RUFY4: variants seen among roughly 807,000 people sequenced by gnomAD.
RUFY4 encodes the protein RUN and FYVE domain containing 4.
Under a neutral mutation model 69.0 loss-of-function variants are expected in RUFY4, and 73 were observed. That is an observed-to-expected ratio of 1.06 (90% CI 0.88 to 1.29). The LOEUF is 1.29. Ranked by LOEUF, RUFY4 falls within the 50% of genes most tolerant of loss-of-function variation. RUFY4 has a pLI of 0.00. For synonymous variants in RUFY4, 287 were observed against 271.8 expected (o/e 1.06, Z -0.55); for missense variants, 770 against 705.6 (o/e 1.09, Z -1.03).
In RUFY4 at chr2:218,089,114, C is replaced by T. The variant is rs900500183; in HGVS notation, c.1503-138C>T. 1.1e-4 allele frequency: 76 copies of T among 661,884 alleles called. No individual in the cohort carries two copies. In the South Asian group the frequency reaches 1.4e-3, roughly 12 times the overall value. 41.0% of individuals were successfully genotyped at this position (661,884 alleles called of 1,614,324 possible). A position where few individuals can be genotyped will look rare whatever the true frequency, so the allele number is the denominator to read the frequency against. On this transcript the variant is annotated intron_variant, in intron 9 of 10. Transcript: ENST00000344321. ...CCGTATGTGTCCATGTGATTCCCTCCATCACCCTCTCTGTCTCTCTCTTCC... is the reference window on the plus strand; with the variant it reads ...CCGTATGTGTCCATGTGATTCCCTCTATCACCCTCTCTGTCTCTCTCTTCC...
chr2:218,066,586 T>C (rs1334420749), upstream of RUFY4, among the ~76,000 whole-genome samples: 2 of 152,232 alleles, frequency 1.3e-5, no homozygotes, highest in Non-Finnish European at 2.9e-5. Flanking sequence ...TTAAAATAAT[T>C]ATGTGTTAAC....
chr2:218,082,116 T>A (rs1689773688), intron 8 of RUFY4, among the ~76,000 whole-genome samples: 1 of 152,164 alleles, frequency 6.6e-6, no homozygotes, highest in South Asian at 2.1e-4. Context: ...TCCAGTCCAG[T>A]GGTCTTCTTG....
intron 3 of RUFY4, among the ~76,000 whole-genome samples, chr2:218,062,230 T>C (rs540326136): frequency 6.6e-6 from 1 of 151,870 alleles, no homozygotes; most frequent in South Asian, 2.1e-4. Context: ...AAACCCCGTC[T>C]CTACTAAAAA....
At chr2:218,055,485 TG>T (rs1689041738) in intron 2 of RUFY4, among the ~76,000 whole-genome samples, 1 of 152,214 alleles carries the variant, frequency 6.6e-6, no homozygotes, top group African/African-American at 2.4e-5. Context: ...AAACTAAATT[TG>T]GTGTTACTCT....
intron 2 of RUFY4, among the ~76,000 whole-genome samples, chr2:218,052,330 A>G (rs1260500981): frequency 3.9e-5 from 6 of 152,266 alleles, no homozygotes; most frequent in East Asian, 3.9e-4. Context: ...AAATTGTTCT[A>G]TGTAACCAGA....
chr2:218,037,177 G>A (rs781596856), intron 2 of RUFY4, among the ~76,000 whole-genome samples: 28 of 151,966 alleles, frequency 1.8e-4, no homozygotes, highest in African/African-American at 6.0e-4. Flanking sequence ...AAAATTAGCC[G>A]GGCGTGGTGG....
intron 8 of RUFY4, among the ~76,000 whole-genome samples, chr2:218,078,275 A>T (rs1231511070): frequency 6.6e-6 from 1 of 152,264 alleles, no homozygotes; most frequent in Non-Finnish European, 1.5e-5. Context: ...TAATAAGGTA[A>T]TATGGCCAGG....
chr2:218,084,090 A>T (rs756616398), intron 9 of RUFY4, among the ~76,000 whole-genome samples: 1 of 152,182 alleles, frequency 6.6e-6, no homozygotes, highest in Non-Finnish European at 1.5e-5. Context: ...GATGGGGAAG[A>T]TGCGGAAAGC....
intron 2 of RUFY4, among the ~76,000 whole-genome samples, chr2:218,051,709 G>A (rs1030130811): frequency 6.6e-5 from 10 of 152,036 alleles, no homozygotes; most frequent in African/African-American, 2.4e-4. Context: ...TAGGTTGCCT[G>A]GATTTAAAAA....
chr2:218,050,907 G>A (rs59651756), intron 2 of RUFY4, among the ~76,000 whole-genome samples: 9,874 of 152,056 alleles, frequency 0.065, 1,030 homozygotes, highest in African/African-American at 0.22. Context: ...TAAAATTATT[G>A]TAAATAAAAA....
intron 2 of RUFY4, among the ~76,000 whole-genome samples, chr2:218,042,763 A>C (rs921132512): frequency 6.6e-6 from 1 of 152,126 alleles, no homozygotes; most frequent in Non-Finnish European, 1.5e-5. Flanking sequence ...TTTTAGTGAA[A>C]CCAGGAAAAA....
chr2:218,072,751 C>T lies in RUFY4; in HGVS notation c.280-28C>T, dbSNP rs1323088645. 3.9e-5 allele frequency: 57 copies of T among 1,467,948 alleles called. No homozygotes were observed. The East Asian group carries it at 1.4e-3, about 35-fold the overall frequency. 90.9% of individuals were successfully genotyped at this position (1,467,948 alleles called of 1,614,324 possible). A position where few individuals can be genotyped will look rare whatever the true frequency, so the allele number is the denominator to read the frequency against. Reference sequence around the variant, plus strand: ...GGGCGCCCTTTGTCCTAATACTGCTCCCCATTCTGCCCCTGTGCACTCTGC... The same window carrying T: ...GGGCGCCCTTTGTCCTAATACTGCTTCCCATTCTGCCCCTGTGCACTCTGC... On this transcript the variant is annotated intron_variant, in intron 3 of 10. Transcript: ENST00000344321.
rs1689813532 is a variant in RUFY4, at chr2:218,083,357, A to G, written c.1502+101A>G. ...TCTACTCCACTCACAACTCCCAAGC[A>G]GGGTTCTAGACCTTTTATATAAGCT... On this transcript the variant is annotated intron_variant, in intron 9 of 10. Coordinates refer to ENST00000344321, the Ensembl canonical transcript of RUFY4. 5.5e-6 allele frequency: 8 copies of G among 1,442,312 alleles called. No homozygotes were observed. The East Asian group carries it at 1.9e-4, about 34-fold the overall frequency. 89.3% of individuals were successfully genotyped at this position (1,442,312 alleles called of 1,614,324 possible).
Position 218,037,252 on chromosome 2 carries a change from G to A in RUFY4, c.-1158+1858G>A, listed in dbSNP as rs58420766. Reference sequence around the variant, plus strand: ...GAAGAATCCCTTGAACCCAGGAGGCGGAGGTTGCAGTGAGTGGAGATAGCA... The same window carrying A: ...GAAGAATCCCTTGAACCCAGGAGGCAGAGGTTGCAGTGAGTGGAGATAGCA... On this transcript the variant is annotated intron_variant and NMD_transcript_variant, in intron 2 of 13. Coordinates refer to the RUFY4 transcript ENST00000457754. Among the ~76,000 whole-genome samples the A allele has an allele frequency of 5.8e-4, 88 of 152,010 alleles. 1 individual carries two copies. In the Middle Eastern group the frequency reaches 0.01, roughly 18 times the overall value.
At chr2:218,087,925 T>C (rs1689931938) in intron 9 of RUFY4, among the ~76,000 whole-genome samples, 1 of 152,058 alleles carries the variant, frequency 6.6e-6, no homozygotes, top group Non-Finnish European at 1.5e-5. Flanking sequence ...TGGTAATAAA[T>C]AAGCTAAATC....
chr2:218,039,231 G>T lies in RUFY4; in HGVS notation c.-1158+3837G>T, dbSNP rs187301168. ...GCAGAATTGTAGGCATCTGTGGCAT[G>T]ATAAATTTGACATTTGTGGTAGGGC... On this transcript the variant is annotated intron_variant and NMD_transcript_variant, in intron 2 of 13. Transcript: ENST00000457754. Among the ~76,000 whole-genome samples the T allele has an allele frequency of 3.6e-3, 551 of 152,286 alleles. 15 individuals are homozygous for T. Among genetic ancestry groups the T allele is most frequent in the Admixed American group, 0.035 (531 of 15,304 alleles).
chr2:218,067,983 T>C (rs62183866), upstream of RUFY4, among the ~76,000 whole-genome samples: 56,355 of 152,098 alleles, frequency 0.37, 10,662 homozygotes, highest in South Asian at 0.46. Context: ...TCCCTGGTGA[T>C]GCCAAACACC....
chr2:218,066,103 G>A (rs1689319373), upstream of RUFY4, among the ~76,000 whole-genome samples: 1 of 151,000 alleles, frequency 6.6e-6, no homozygotes, highest in Admixed American at 6.6e-5. Flanking sequence ...CCAAAGTGCT[G>A]CTAGGTGGGG....
chr2:218,058,710 A>T (rs1246119112), intron 3 of RUFY4: 1 of 152,226 alleles, frequency 6.6e-6, no homozygotes, highest in African/African-American at 2.4e-5. Flanking sequence ...ACACCACCAT[A>T]TGATGGGTGT....
Sources: allele counts gnomAD v4.1 joint callset (sites outside exome capture counted in the v4.1 genomes callset), GRCh38; gene constraint gnomAD v4.1.1; transcripts MANE v1.5; gene names NCBI Gene and HGNC (gene_info 2026-07-23, HGNC 2026-07-21).